The following MECOM variants were observed in gnomAD, a reference collection of about 807,000 sequenced individuals.
MECOM encodes histone-lysine N-methyltransferase MECOM.
A neutral mutation model predicts 116.3 loss-of-function variants in MECOM; 13 were observed. The observed-to-expected ratio is 0.11, with a 90% CI of 0.07 to 0.18. The LOEUF is 0.18. Ranked by LOEUF, MECOM falls within the 10% of genes least tolerant of loss-of-function variation. The pLI, the probability that MECOM is intolerant of heterozygous loss-of-function variation, is 1.00. For synonymous variants in MECOM, 528 were observed against 535.2 expected (o/e 0.99, Z 0.19); for missense variants, 1,299 against 1,509.0 (o/e 0.86, Z 2.31).
chr3:169,364,845 G>A (rs6774494), intron 2 of MECOM, among the ~76,000 whole-genome samples: 63,735 of 151,750 alleles, frequency 0.42, 14,918 homozygotes, highest in African/African-American at 0.6. Context: ...GCCATGGCTT[G>A]GTGACATATT....
chr3:169,441,745 A>T (rs4955569), intron 1 of MECOM, among the ~76,000 whole-genome samples: 9,207 of 104,990 alleles, frequency 0.088, 1,162 homozygotes, highest in East Asian at 0.12. Flanking sequence ...TTTTTTTTTT[A>T]AAAAAGGGGG....
chr3:169,350,261 G>A (rs1377110426), intron 2 of MECOM, among the ~76,000 whole-genome samples: 1 of 151,948 alleles, frequency 6.6e-6, no homozygotes, highest in Non-Finnish European at 1.5e-5. Context: ...AATTCAGGAA[G>A]AGACTTGGAA....
chr3:169,631,205 C>T (rs1307433974), intron 1 of MECOM, among the ~76,000 whole-genome samples: 1 of 152,220 alleles, frequency 6.6e-6, no homozygotes, highest in Non-Finnish European at 1.5e-5. Context: ...TCACTCATCC[C>T]AGTACTTCCT....
chr3:169,442,281 G>A (rs1317353892), intron 1 of MECOM, among the ~76,000 whole-genome samples: 5 of 151,972 alleles, frequency 3.3e-5, no homozygotes, highest in East Asian at 1.9e-4. Flanking sequence ...GGCTGGTCTC[G>A]AACTCCTGAC....
At chr3:169,211,459 T>G (rs184758033) in intron 2 of MECOM, among the ~76,000 whole-genome samples, 1 of 152,188 alleles carries the variant, frequency 6.6e-6, no homozygotes, top group Non-Finnish European at 1.5e-5. Flanking sequence ...CTCCTCATTC[T>G]TCTGTGGTCT....
At chr3:169,555,354 G>T (rs1313836738) in intron 1 of MECOM, among the ~76,000 whole-genome samples, 3 of 152,100 alleles carry the variant, frequency 2.0e-5, no homozygotes, top group Non-Finnish European at 4.4e-5. Context: ...ATAGAAAAAT[G>T]TGATAATTGT....
At chr3:169,661,314 CA>C (rs1283631925) in intron 1 of MECOM, among the ~76,000 whole-genome samples, 1 of 150,688 alleles carries the variant, frequency 6.6e-6, no homozygotes, top group African/African-American at 2.4e-5. Flanking sequence ...CTCCCCCCCC[CA>C]CACACACACT....
At chr3:169,651,028 G>T (rs558381277) in intron 1 of MECOM, among the ~76,000 whole-genome samples, 1 of 152,284 alleles carries the variant, frequency 6.6e-6, no homozygotes, top group Admixed American at 6.5e-5. Flanking sequence ...CTCTGACTAG[G>T]ACTTCCAGTA....
chr3:169,613,984 C>G (rs950798957), intron 1 of MECOM, among the ~76,000 whole-genome samples: 22 of 152,092 alleles, frequency 1.4e-4, no homozygotes, highest in African/African-American at 5.3e-4. Context: ...TTTAATGGTG[C>G]TTGTTATTTT....
At chr3:169,183,867 TCTC>T (rs1212739270) in intron 2 of MECOM, among the ~76,000 whole-genome samples, 129 of 125,652 alleles carry the variant, frequency 1.0e-3, no homozygotes, top group South Asian at 5.2e-3. Context: ...TTTTCTTTTT[TCTC>T]TTTTTTTTTA....
At chr3:169,526,897 A>G (rs1042018197) in intron 1 of MECOM, among the ~76,000 whole-genome samples, 6 of 152,172 alleles carry the variant, frequency 3.9e-5, no homozygotes, top group Non-Finnish European at 8.8e-5. Context: ...TATATAAAAT[A>G]ATGATTCTAC....
chr3:169,535,925 G>A (rs1759297297), intron 1 of MECOM, among the ~76,000 whole-genome samples: 1 of 152,174 alleles, frequency 6.6e-6, no homozygotes, highest in Admixed American at 6.5e-5. Context: ...GATCATATAT[G>A]TCAAATATAG....
At chr3:169,275,606 C>T (rs1221169733) in intron 2 of MECOM, among the ~76,000 whole-genome samples, 1 of 152,162 alleles carries the variant, frequency 6.6e-6, no homozygotes, top group Admixed American at 6.6e-5. Flanking sequence ...ATTTCACTCT[C>T]TTCTTTTTTC....
At chr3:169,099,601 T>C (rs566190577) in intron 12 of MECOM, among the ~76,000 whole-genome samples, 1 of 94,448 alleles carries the variant, frequency 1.1e-5, no homozygotes, top group South Asian at 2.7e-4. Flanking sequence ...CATTTTCTTA[T>C]TTTACCATTA....
At chr3:169,088,594 C>CA (rs765965035) in intron 16 of MECOM, among the ~76,000 whole-genome samples, 16 of 151,930 alleles carry the variant, frequency 1.1e-4, no homozygotes, top group Non-Finnish European at 1.9e-4. Flanking sequence ...TAGAAGGGGA[C>CA]AAAAAATAGA....
At chr3:169,470,420 A>G (rs780754680) in intron 1 of MECOM, among the ~76,000 whole-genome samples, 3 of 152,170 alleles carry the variant, frequency 2.0e-5, no homozygotes, top group Admixed American at 2.0e-4. Context: ...GCAAAACCAC[A>G]CTCAGATCAT....
At chr3:169,194,468 A>C (rs891946974) in intron 2 of MECOM, among the ~76,000 whole-genome samples, 41 of 152,074 alleles carry the variant, frequency 2.7e-4, no homozygotes, top group African/African-American at 9.2e-4. Flanking sequence ...GTATAATAAA[A>C]AATAAAATAA....
chr3:169,328,302 T>C (rs937450278), intron 2 of MECOM, among the ~76,000 whole-genome samples: 3 of 152,208 alleles, frequency 2.0e-5, no homozygotes, highest in Non-Finnish European at 4.4e-5. Context: ...ACTGCATTTA[T>C]TTGGATATTG....
intron 2 of MECOM, among the ~76,000 whole-genome samples, chr3:169,373,752 T>C (rs1377366609): frequency 6.6e-6 from 1 of 151,888 alleles, no homozygotes; most frequent in Non-Finnish European, 1.5e-5. Context: ...AATCACACAG[T>C]TAGTGACAGA....
Sources: allele counts gnomAD v4.1 joint callset (sites outside exome capture counted in the v4.1 genomes callset), GRCh38; gene constraint gnomAD v4.1.1; transcripts MANE v1.5; gene names NCBI Gene and HGNC (gene_info 2026-07-23, HGNC 2026-07-21).